The following FMNL2 variants were observed in gnomAD, a reference collection of about 807,000 sequenced individuals.
FMNL2 encodes the protein formin like 2, also known as formin-like protein 2.
FMNL2 carries 51 observed loss-of-function variants against 130.2 expected under a neutral mutation model. That is an observed-to-expected ratio of 0.39 (90% CI 0.31 to 0.49). FMNL2 has a LOEUF of 0.49. Among genes scored for constraint, FMNL2 ranks in the 20% least tolerant of loss-of-function variants. The pLI is 0.85. For missense variants in FMNL2, 977 were observed against 1,316.2 expected, an observed-to-expected ratio of 0.74 and a Z score of 3.99; for synonymous variants, 465 against 467.1, an observed-to-expected ratio of 1.00 and a Z score of 0.06.
chr2:152,495,347 T>C (rs16831236), intron 1 of FMNL2, among the ~76,000 whole-genome samples: 2,348 of 152,146 alleles, frequency 0.015, 69 homozygotes, highest in African/African-American at 0.053. Context: ...AATGTAAAGA[T>C]AGATTAAGAT....
chr2:152,482,931 C>T (rs140019687), intron 1 of FMNL2, among the ~76,000 whole-genome samples: 1 of 152,098 alleles, frequency 6.6e-6, no homozygotes, highest in African/African-American at 2.4e-5. Context: ...TAGGCAGTCT[C>T]TCCTGGGGTC....
At chr2:152,404,202 T>C (rs183028042) in intron 1 of FMNL2, among the ~76,000 whole-genome samples, 30 of 152,340 alleles carry the variant, frequency 2.0e-4, no homozygotes, top group African/African-American at 6.7e-4. Context: ...AACATGTTTA[T>C]TGAATGAATT....
chr2:152,602,622 C>T lies in FMNL2; in HGVS notation c.877-4717C>T, dbSNP rs576949802. Among the ~76,000 whole-genome samples, 11 of 152,250 alleles carry T rather than the reference C, an allele frequency of 7.2e-5. No individual in the cohort carries two copies. The East Asian group carries it at 2.1e-3, about 29-fold the overall frequency. ...GTGAATATAAAAGTCAAGAATGACA[C>T]GTTTCAGCTGCAAGAATATAGCTTT... On this transcript the variant is annotated intron_variant, in intron 9 of 25. Coordinates refer to ENST00000288670, the MANE Select transcript of FMNL2 (RefSeq NM_052905.4).
chr2:152,595,273 A>G (rs1012210720), intron 9 of FMNL2, among the ~76,000 whole-genome samples: 2 of 152,118 alleles, frequency 1.3e-5, no homozygotes, highest in South Asian at 2.1e-4. Flanking sequence ...GTAAAAGATA[A>G]TGATCTTTTT....
chr2:152,622,817 T>G (rs931379921), intron 15 of FMNL2, among the ~76,000 whole-genome samples: 4 of 151,356 alleles, frequency 2.6e-5, no homozygotes, highest in African/African-American at 9.8e-5. Flanking sequence ...AAAAGGTTTT[T>G]TTTTTTTTTT....
chr2:152,452,547 A>AG (rs1688702007), intron 1 of FMNL2, among the ~76,000 whole-genome samples: 1 of 151,674 alleles, frequency 6.6e-6, no homozygotes, highest in African/African-American at 2.4e-5. Context: ...TCCCCCCCCT[A>AG]GTTTTCTTAA....
intron 1 of FMNL2, among the ~76,000 whole-genome samples, chr2:152,456,214 A>T (rs1183839283): frequency 6.6e-6 from 1 of 152,240 alleles, no homozygotes; most frequent in Admixed American, 6.5e-5. Flanking sequence ...TTTTCTTTCC[A>T]ACTATCCTCT....
intron 1 of FMNL2, among the ~76,000 whole-genome samples, chr2:152,492,805 A>G (rs1433783438): frequency 6.6e-6 from 1 of 152,210 alleles, no homozygotes; most frequent in Non-Finnish European, 1.5e-5. Context: ...TGAACTCCCT[A>G]AGTGAAATTT....
At chr2:152,644,256 T>A (rs1683347411) in intron 25 of FMNL2, among the ~76,000 whole-genome samples, 1 of 152,184 alleles carries the variant, frequency 6.6e-6, no homozygotes, top group Non-Finnish European at 1.5e-5. Context: ...CATACTGTTC[T>A]AAGTAGGTTT....
At chr2:152,611,116 G>T (rs550345635) in intron 10 of FMNL2, among the ~76,000 whole-genome samples, 2 of 152,180 alleles carry the variant, frequency 1.3e-5, no homozygotes, top group Admixed American at 1.3e-4. Flanking sequence ...CCAGGCCGGC[G>T]GATCACGAGG....
At position 152,643,477 on chromosome 2, in the gene FMNL2, C is replaced by T. The variant is rs769024993; in HGVS notation, c.3169+2563C>T. Reference sequence around the variant, plus strand: ...CCAAGCGTGGCTCTCGGTTTTTCTGCGAACCTGTTCTCACTGAGGAATACC... The same window carrying T: ...CCAAGCGTGGCTCTCGGTTTTTCTGTGAACCTGTTCTCACTGAGGAATACC... On this transcript the variant is annotated intron_variant, in intron 25 of 25. Transcript: ENST00000288670. 43 of 1,535,976 alleles carry T rather than the reference C, an allele frequency of 2.8e-5. 1 individual carries two copies. The South Asian group carries it at 3.6e-4, about 13-fold the overall frequency.
intron 1 of FMNL2, among the ~76,000 whole-genome samples, chr2:152,424,835 T>C (rs1420275913): frequency 1.3e-5 from 2 of 152,214 alleles, no homozygotes; most frequent in Non-Finnish European, 2.9e-5. Flanking sequence ...GAATGCAGGG[T>C]ATTCTGTCAA....
At chr2:152,584,818 A>AT (rs946733511) in intron 9 of FMNL2, among the ~76,000 whole-genome samples, 68 of 152,148 alleles carry the variant, frequency 4.5e-4, no homozygotes, top group Admixed American at 2.2e-3. Flanking sequence ...CCAATCTTAT[A>AT]TTTTTTTTCC....
chr2:152,338,482 A>G (rs1016412936), intron 1 of FMNL2, among the ~76,000 whole-genome samples: 1 of 152,234 alleles, frequency 6.6e-6, no homozygotes, highest in Non-Finnish European at 1.5e-5. Context: ...TTCAATGACT[A>G]TACCCTCCCT....
chr2:152,480,759 G>A (rs1022083111), intron 1 of FMNL2, among the ~76,000 whole-genome samples: 3 of 151,918 alleles, frequency 2.0e-5, no homozygotes, highest in African/African-American at 7.3e-5. Context: ...ATTCTTGGCA[G>A]TAGGCATTTT....
chr2:152,521,258 A>C (rs1693069641), intron 1 of FMNL2, among the ~76,000 whole-genome samples: 1 of 152,206 alleles, frequency 6.6e-6, no homozygotes, highest in African/African-American at 2.4e-5. Context: ...CATGACCAGC[A>C]CTACAGAAGG....
intron 1 of FMNL2, among the ~76,000 whole-genome samples, chr2:152,481,808 A>G (rs1019457374): frequency 3.9e-5 from 6 of 152,198 alleles, no homozygotes; most frequent in Non-Finnish European, 5.9e-5. Flanking sequence ...CCTATTTTCA[A>G]CGTACTTTGG....
chr2:152,348,845 T>TTTTTTG (rs1682292583), intron 1 of FMNL2, among the ~76,000 whole-genome samples: 1 of 98,174 alleles, frequency 1.0e-5, no homozygotes. Flanking sequence ...TTTTTTTTTT[T>TTTTTTG]GAGACGGAGT....
At chr2:152,462,118 C>T (rs1469783848) in intron 1 of FMNL2, among the ~76,000 whole-genome samples, 2 of 152,120 alleles carry the variant, frequency 1.3e-5, no homozygotes, top group Non-Finnish European at 2.9e-5. Context: ...CTGCCTCAAC[C>T]TCCCAAAGTG....
Sources: allele counts gnomAD v4.1 joint callset (sites outside exome capture counted in the v4.1 genomes callset), GRCh38; gene constraint gnomAD v4.1.1; transcripts MANE v1.5; gene names NCBI Gene and HGNC (gene_info 2026-07-23, HGNC 2026-07-21).